Variants in RFX7 observed in about 807,000 individuals in gnomAD.
RFX7 encodes regulatory factor X7.
Under a neutral mutation model 111.8 loss-of-function variants are expected in RFX7, and 26 were observed. That is an observed-to-expected ratio of 0.23 (90% confidence interval 0.17 to 0.32). The LOEUF is 0.32. Ranked by LOEUF, RFX7 falls within the 10% of genes least tolerant of loss-of-function variation. The pLI, the probability that RFX7 is intolerant of heterozygous loss-of-function variation, is 1.00. For missense variants in RFX7, 1,573 were observed against 1,772.9 expected (o/e 0.89, Z 2.02); for synonymous variants, 624 against 624.4 (o/e 1.00, Z 0.01).
rs1226339836 is a variant in RFX7, at chr15:56,092,377, A to G, written c.*968T>C. 2 of 152,520 alleles carry G rather than the reference A, an allele frequency of 1.3e-5. No individual in the cohort carries two copies. Among genetic ancestry groups the G allele is most frequent in the African/African-American group, 4.8e-5 (2 of 41,448 alleles). 9.4% of individuals were successfully genotyped at this position (152,520 alleles called of 1,614,324 possible). Reference sequence around the variant, plus strand: ...GAGGAGTGAGGGAGTCAGTCACTCAATTGAAGAGGAAAAAAACTGATTATT... The same window carrying G: ...GAGGAGTGAGGGAGTCAGTCACTCAGTTGAAGAGGAAAAAAACTGATTATT... On this transcript the variant is annotated 3_prime_UTR_variant, in exon 10 of 10. Transcript: ENST00000559447.
At chr15:56,226,374 G>A (rs2043483581) in intron 2 of RFX7, among the ~76,000 whole-genome samples, 1 of 152,134 alleles carries the variant, frequency 6.6e-6, no homozygotes, top group Admixed American at 6.6e-5. Context: ...ACAAATGTAG[G>A]TATTCAACAG....
intron 5 of RFX7, among the ~76,000 whole-genome samples, chr15:56,130,881 G>A (rs1204118174): frequency 6.6e-6 from 1 of 152,046 alleles, no homozygotes; most frequent in East Asian, 1.9e-4. Context: ...CAAAATTGAT[G>A]AATAAAGTAA....
intron 2 of RFX7, among the ~76,000 whole-genome samples, chr15:56,185,586 T>C (rs1400961562): frequency 6.6e-6 from 1 of 152,180 alleles, no homozygotes; most frequent in Non-Finnish European, 1.5e-5. Flanking sequence ...ACATTCTATA[T>C]AAATAAGACT....
intron 2 of RFX7, among the ~76,000 whole-genome samples, chr15:56,232,244 G>C (rs1596026497): frequency 6.6e-6 from 1 of 152,200 alleles, no homozygotes; most frequent in South Asian, 2.1e-4. Context: ...CCCTAGCAGA[G>C]GTTTCATGAG....
chr15:56,131,764 G>A (rs943113291), intron 5 of RFX7, among the ~76,000 whole-genome samples: 2 of 152,096 alleles, frequency 1.3e-5, no homozygotes, highest in Non-Finnish European at 2.9e-5. Flanking sequence ...GTCTATCACT[G>A]CTATATGTAA....
intron 3 of RFX7, among the ~76,000 whole-genome samples, chr15:56,150,263 GCTCTGAAGAGAGCAGCAGAACT>G (rs1188921791): frequency 1.3e-5 from 2 of 152,218 alleles, no homozygotes; most frequent in African/African-American, 4.8e-5. Flanking sequence ...CTGCCTGATG[GCTCTGAAGAGAGCAGCAGAACT>G]CCCAGTGCAG....
At chr15:56,220,565 T>G (rs1285907948) in intron 2 of RFX7, among the ~76,000 whole-genome samples, 1 of 152,114 alleles carries the variant, frequency 6.6e-6, no homozygotes. Flanking sequence ...TTAAGTTCCT[T>G]ACAGACTCTG....
intron 3 of RFX7, among the ~76,000 whole-genome samples, chr15:56,146,194 C>A (rs1232138348): frequency 6.6e-6 from 1 of 152,082 alleles, no homozygotes; most frequent in Non-Finnish European, 1.5e-5. Context: ...AACTCCTGGG[C>A]TCAACTGATC....
At chr15:56,100,082 A>T (rs2041732728) in intron 8 of RFX7, among the ~76,000 whole-genome samples, 1 of 152,206 alleles carries the variant, frequency 6.6e-6, no homozygotes, top group South Asian at 2.1e-4. Context: ...TTACTATATG[A>T]CATTATGATA....
intron 3 of RFX7, among the ~76,000 whole-genome samples, chr15:56,154,336 C>T (rs575958925): frequency 9.5e-4 from 145 of 152,244 alleles, no homozygotes; most frequent in African/African-American, 3.3e-3. Flanking sequence ...CAATCCGGGG[C>T]AGGAAAAACA....
intron 5 of RFX7, among the ~76,000 whole-genome samples, chr15:56,140,278 C>T (rs1194762820): frequency 5.9e-5 from 9 of 152,178 alleles, no homozygotes; most frequent in African/African-American, 1.7e-4. Flanking sequence ...ACTCCATGGG[C>T]GTAGGACCCT....
chr15:56,212,577 A>G (rs2043323748), intron 2 of RFX7, among the ~76,000 whole-genome samples: 1 of 152,174 alleles, frequency 6.6e-6, no homozygotes, highest in African/African-American at 2.4e-5. Context: ...GATGTTGATA[A>G]TGGGGAGGCT....
In RFX7 at chr15:56,134,415, T is replaced by C. The variant is rs573561172; in HGVS notation, c.401+8363A>G. On this transcript the variant is annotated intron_variant, in intron 5 of 9. Coordinates refer to ENST00000559447, the MANE Select transcript of RFX7 (RefSeq NM_022841.7). ...AATAAGTGAAATATTCTTAGTGAAATTTTTTGAACTAAAATACCCAGACTC... is the reference window on the plus strand; with the variant it reads ...AATAAGTGAAATATTCTTAGTGAAACTTTTTGAACTAAAATACCCAGACTC... Among the ~76,000 whole-genome samples, 3 of 152,174 alleles carry C rather than the reference T, an allele frequency of 2.0e-5. No homozygotes were observed. In the South Asian group the frequency reaches 6.2e-4, roughly 32 times the overall value.
At position 56,243,043 on chromosome 15, in the gene RFX7, C is replaced by A. The variant is rs140399955; in HGVS notation, c.161+82G>T. 3,977 of 524,330 alleles carry A rather than the reference C, an allele frequency of 7.6e-3. 30 individuals carry two copies. The highest frequency in any genetic ancestry group is 9.1e-3 in the Non-Finnish European group (2,568 of 283,692). The allele number at this position is 524,330 out of a possible 1,614,324, so 32.5% of individuals were successfully genotyped here. A position where few individuals can be genotyped will look rare whatever the true frequency, so the allele number is the denominator to read the frequency against. ...GAATGCATCAGCCTCCTCCTCCGCT[C>A]CCCCCGCCCGCCGCCCCCCACCCAC... On this transcript the variant is annotated intron_variant, in intron 2 of 9. Transcript: ENST00000559447.
chr15:56,223,851 TA>T (rs2043452208), intron 2 of RFX7, among the ~76,000 whole-genome samples: 2 of 152,162 alleles, frequency 1.3e-5, no homozygotes, highest in African/African-American at 2.4e-5. Context: ...AAAACCCACA[TA>T]TCAGTGGAGG....
chr15:56,228,848 T>C (rs1414706233), intron 2 of RFX7, among the ~76,000 whole-genome samples: 1 of 152,204 alleles, frequency 6.6e-6, no homozygotes, highest in Non-Finnish European at 1.5e-5. Flanking sequence ...ATATATACTA[T>C]GTTTTTTCCT....
upstream of RFX7, chr15:56,243,925 G>C (rs1309993063): frequency 2.7e-5 from 4 of 149,650 alleles, no homozygotes; most frequent in South Asian, 1.8e-4. Flanking sequence ...CGCTCCGCCG[G>C]GGGGCGTGGA....
At chr15:56,166,884 G>A (rs911797556) in intron 3 of RFX7, among the ~76,000 whole-genome samples, 4 of 152,094 alleles carry the variant, frequency 2.6e-5, no homozygotes, top group African/African-American at 9.7e-5. Flanking sequence ...TAGCTGGGGC[G>A]ACAGCTACCA....
Position 56,096,020 on chromosome 15 carries a change from C to T in RFX7, c.1708G>A (p.Gly570Arg), listed in dbSNP as rs2140514740. 6.2e-7 allele frequency: 1 copy of T among 1,612,788 alleles called. No homozygotes were observed. Among genetic ancestry groups the T allele is most frequent in the Non-Finnish European group, 8.5e-7 (1 of 1,179,406 alleles). ...GCTCCGTCTGTATTACTTTTCTGCC[C>T]CAAAAGGGCACTAGGTGTCTGGGGA... ...KAPQTPSALL[G>R]QKSNTDGALQ... The change falls in exon 10 of 10, where the codon GGG (glycine) becomes AGG (arginine). Residue 570 changes from glycine (G) to arginine (R), a missense_variant. Physicochemically the swap from Gly to Arg is moderately radical, Grantham distance 125 (BLOSUM62 -2). This residue lies in a region of RFX7 where 625 missense variants were observed against 632.2 expected (regional missense o/e 0.99). Coordinates refer to ENST00000559447, the MANE Select transcript of RFX7 (RefSeq NM_022841.7).
Sources: gnomAD v4.1 joint callset for allele counts (sites outside exome capture counted in the v4.1 genomes callset) on GRCh38, gnomAD v4.1.1 for gene constraint, gnomAD v4.1.1 regional missense constraint, MANE v1.5 for transcripts, NCBI Gene and HGNC (gene_info 2026-07-23, HGNC 2026-07-21) for gene names.